The following AUNIP variants were observed in gnomAD, a reference collection of about 807,000 sequenced individuals.
AUNIP encodes aurora kinase A and ninein interacting protein.
AUNIP carries 16 observed loss-of-function variants against 12.2 expected under a neutral mutation model. The observed-to-expected ratio is 1.31, with a 90% CI of 0.88 to 1.99. The LOEUF (loss-of-function observed/expected upper bound fraction) is 1.99, where lower values mean the gene tolerates loss of function less well. AUNIP is among the 30% of genes most tolerant of loss of function. The pLI, the probability that AUNIP is intolerant of heterozygous loss-of-function variation, is 0.00. For missense variants in AUNIP, 411 were observed against 419.1 expected (o/e 0.98, Z 0.17); for synonymous variants, 142 against 154.8 (o/e 0.92, Z 0.61).
intron 1 of AUNIP, 66 bp from the exon 2 acceptor site, chr1:25,837,620 G>A (rs559638468): frequency 1.3e-6 from 2 of 1,490,848 alleles, no homozygotes; most frequent in South Asian, 1.3e-5. Flanking sequence ...TAGAGATTCA[G>A]TACACACCAG....
In AUNIP at chr1:25,835,603, A is replaced by C; in HGVS notation, c.464T>G (p.Leu155Trp). The change falls in exon 3 of 3, where the codon TTG becomes TGG. Residue 155 changes from leucine to tryptophan, a missense_variant. Coordinates refer to ENST00000374298, the MANE Select transcript of AUNIP (RefSeq NM_024037.3). ...ACAGTCTGGAGTATCAGGCTGGAGC[A>C]AAGATAGCTCAGTTGAAAATGGGGT... ...MKTPFSTELS[L>W]LQPDTPDCAG... is the part of the protein sequence containing the mutation. 6.2e-7 allele frequency: 1 copy of C among 1,614,262 alleles called. No homozygotes were observed. Among genetic ancestry groups the C allele is most frequent in the Non-Finnish European group, 8.5e-7 (1 of 1,180,048 alleles).
At chr1:25,859,186 T>G (rs963225450) in intron 1 of AUNIP, 94 bp downstream of exon 1, 89 of 1,334,398 alleles carry the variant, frequency 6.7e-5, no homozygotes, top group Admixed American at 1.3e-4. Context: ...CCGACTTCGC[T>G]TTCATCATCT....
intron 1 of AUNIP, among the ~76,000 whole-genome samples, chr1:25,844,976 AAG>A (rs1473556166): frequency 6.6e-6 from 1 of 152,204 alleles, no homozygotes; most frequent in African/African-American, 2.4e-5. Context: ...AGGATTGTTT[AAG>A]AAGTGTTACC....
rs2048393452 is a variant in AUNIP at position 25,847,607 on chromosome 1, C to A, written c.79-10053G>T. 6.6e-6 allele frequency among the ~76,000 whole-genome samples: 1 copy of A among 152,112 alleles called. No individual in the cohort carries two copies. Among genetic ancestry groups the A allele is most frequent in the Non-Finnish European group, 1.5e-5 (1 of 68,016 alleles). On this transcript the variant is annotated intron_variant, in intron 1 of 2. Transcript: ENST00000374298. The surrounding 1 kb of genome is among the most constrained non-coding windows in gnomAD (Gnocchi z 4.2). Reference sequence around the variant, plus strand: ...AATCCCCTACTAAGCCTATTTAGGTCCTTCTTGAGCGTACCTATACTTTTA... The same window carrying A: ...AATCCCCTACTAAGCCTATTTAGGTACTTCTTGAGCGTACCTATACTTTTA...
At chr1:25,855,819 T>C (rs1041320357) in intron 1 of AUNIP, among the ~76,000 whole-genome samples, 10 of 152,206 alleles carry the variant, frequency 6.6e-5, no homozygotes, top group Non-Finnish European at 1.0e-4. Flanking sequence ...AGTACTCTTC[T>C]CTGGGTTGGA....
At position 25,835,856 on chromosome 1, in the gene AUNIP, C is replaced by A. The variant is rs2048299260; in HGVS notation, c.221-10G>T. On this transcript the variant is annotated splice_polypyrimidine_tract_variant and intron_variant, in intron 2 of 2. Transcript: ENST00000374298. ...CTGCCATTTGTCTTTCCTAATAAAA[C>A]AGGAATGAACAAATATTATTCTGCA... 1.2e-6 allele frequency: 2 copies of A among 1,610,014 alleles called. No homozygotes were observed. The highest frequency in any genetic ancestry group is 1.7e-6 in the Non-Finnish European group (2 of 1,177,174).
At position 25,847,906 on chromosome 1, in the gene AUNIP, C is replaced by T. The variant is rs554527000; in HGVS notation, c.79-10352G>A. Among the ~76,000 whole-genome samples, 45 of 152,192 alleles carry T rather than the reference C, an allele frequency of 3.0e-4. No individual in the cohort carries two copies. Among genetic ancestry groups the T allele is most frequent in the African/African-American group, 1.0e-3 (43 of 41,528 alleles). ...GTTGCAGTGAGCCAAGATCACGCCA[C>T]CGCACTCTAGCCTGGGTGACAGAGT... On this transcript the variant is annotated intron_variant, in intron 1 of 2. Transcript: ENST00000374298. This position sits in a 1 kb window ranked among gnomAD's most constrained non-coding sequence, Gnocchi z 4.2.
intron 1 of AUNIP, among the ~76,000 whole-genome samples, chr1:25,844,394 C>T (rs1353547290): frequency 1.8e-4 from 27 of 152,230 alleles, no homozygotes; most frequent in Admixed American, 1.4e-3. Flanking sequence ...CCATTGTGCC[C>T]GGCCAAGTGT....
chr1:25,859,427 G>T lies in AUNIP; in HGVS notation c.-70C>A, dbSNP rs1228082207. 5.8e-6 allele frequency: 8 copies of T among 1,369,064 alleles called. No individual in the cohort carries two copies. The highest frequency in any genetic ancestry group is 6.7e-6 in the Non-Finnish European group (7 of 1,050,232). The allele number at this position is 1,369,064 out of a possible 1,614,324, so 84.8% of individuals were successfully genotyped here. A position where few individuals can be genotyped will look rare whatever the true frequency, so the allele number is the denominator to read the frequency against. On this transcript the variant is annotated 5_prime_UTR_variant, in exon 1 of 3. Transcript: ENST00000374298. ...CGGCGCCTCAGGGAACGCCAGAACC[G>T]CGGCCGCCGACGTTCGGATCTCGCG...
intron 1 of AUNIP, among the ~76,000 whole-genome samples, 156 bp downstream of exon 1, chr1:25,859,124 G>T (rs1016607070): frequency 5.9e-5 from 9 of 151,840 alleles, no homozygotes; most frequent in African/African-American, 1.9e-4. Context: ...ACCTTCTTCA[G>T]ACCACAATCC....
downstream of AUNIP, chr1:25,832,324 G>A (rs2048256143): frequency 2.8e-6 from 2 of 719,298 alleles, no homozygotes; most frequent in Non-Finnish European, 4.5e-6. Context: ...TTGCCCCTGT[G>A]TGAAAATAGG....
chr1:25,854,953 C>CT (rs1159770557), intron 1 of AUNIP, among the ~76,000 whole-genome samples: 5,507 of 121,064 alleles, frequency 0.045, 459 homozygotes, highest in African/African-American at 0.15. Flanking sequence ...AGAATTCTTT[C>CT]TTTTTTTTTT....
chr1:25,856,509 C>A (rs2048462458), intron 1 of AUNIP, among the ~76,000 whole-genome samples: 1 of 151,970 alleles, frequency 6.6e-6, no homozygotes, highest in Non-Finnish European at 1.5e-5. Context: ...AACCCCGTCT[C>A]TACTAAAAAT....
At chr1:25,850,055 G>A (rs1373798228) in intron 1 of AUNIP, among the ~76,000 whole-genome samples, 1 of 151,838 alleles carries the variant, frequency 6.6e-6, no homozygotes, top group South Asian at 2.1e-4. Flanking sequence ...AAGTTTTTGT[G>A]CAGACATACG....
At position 25,834,281 on chromosome 1, in the gene AUNIP, A is replaced by G. The variant is rs953745297; in HGVS notation, c.*712T>C. ...AAAAGGGTCAAGAGTAATCATCCCA[A>G]GCTTAGGCTGATGTGGGTTAAGATC... is the stretch of plus-strand genomic sequence containing the variant. On this transcript the variant is annotated 3_prime_UTR_variant, in exon 3 of 3. Transcript: ENST00000374298. 1.0e-6 allele frequency: 1 copy of G among 985,280 alleles called. No homozygotes were observed. Among genetic ancestry groups the G allele is most frequent in the African/African-American group, 1.7e-5 (1 of 57,228 alleles). The allele number at this position is 985,280 out of a possible 1,614,324, so 61.0% of individuals were successfully genotyped here. A position where few individuals can be genotyped will look rare whatever the true frequency, so the allele number is the denominator to read the frequency against.
In AUNIP at chr1:25,834,230, T is replaced by TGGG. The variant is rs1003289853; in HGVS notation, c.*760_*762dup. 6 of 985,154 alleles carry TGGG rather than the reference T, an allele frequency of 6.1e-6. No homozygotes were observed. Among genetic ancestry groups the TGGG allele is most frequent in the Non-Finnish European group, 7.2e-6 (6 of 829,896 alleles). The allele number at this position is 985,154 out of a possible 1,614,324, so 61.0% of individuals were successfully genotyped here. On this transcript the variant is annotated 3_prime_UTR_variant, in exon 3 of 3. Transcript: ENST00000374298. ...CTCTCTTCTCTCCACACCTGGGTTG[T>TGGG]GGGGAGATTTGCTAATCACTGAAAA...
chr1:25,837,532 G>T lies in AUNIP; in HGVS notation c.101C>A (p.Thr34Asn). 6.2e-7 allele frequency: 1 copy of T among 1,613,416 alleles called. No individual in the cohort carries two copies. Among genetic ancestry groups the T allele is most frequent in the Non-Finnish European group, 8.5e-7 (1 of 1,179,678 alleles). Residue 34 changes from threonine to asparagine, a missense_variant, in exon 2 of 3, where the codon ACC becomes AAC. Coordinates refer to ENST00000374298, the MANE Select transcript of AUNIP (RefSeq NM_024037.3). ...TCCAGGAAGGAGTGTTAGCATTTTG[G>T]TGCCTGGTTTGATTAAATGTGTCTG... ...KVQTHLIKPG[T>N]KMLTLLPGER... is the part of the protein sequence containing the mutation.
In AUNIP at chr1:25,859,270, A is replaced by G; in HGVS notation, c.78+10T>C. On this transcript the variant is annotated intron_variant, in intron 1 of 2. Coordinates refer to ENST00000374298, the MANE Select transcript of AUNIP (RefSeq NM_024037.3). ...GGTTCCCAACGCCCTCTCATCCCCC[A>G]GCGTCCCACCTGCACTTTCCGCCTC... 1 of 1,571,546 alleles carries G rather than the reference A, an allele frequency of 6.4e-7. No homozygotes were observed. Among genetic ancestry groups the G allele is most frequent in the Non-Finnish European group, 8.6e-7 (1 of 1,160,278 alleles).
At chr1:25,859,054 C>T (rs1447316930) in intron 1 of AUNIP, among the ~76,000 whole-genome samples, 4 of 152,102 alleles carry the variant, frequency 2.6e-5, no homozygotes, top group Admixed American at 2.0e-4. Context: ...CTCCTCCAGA[C>T]CCCCCAACAG....
Sources: allele counts gnomAD v4.1 joint callset (sites outside exome capture counted in the v4.1 genomes callset), GRCh38; gene constraint gnomAD v4.1.1; non-coding constraint Gnocchi (gnomAD v3.1); transcripts MANE v1.5; gene names NCBI Gene and HGNC (gene_info 2026-07-23, HGNC 2026-07-21).